LUZP2: variants seen among roughly 807,000 people sequenced by gnomAD.
LUZP2 encodes leucine zipper protein 2.
LUZP2 carries 52 observed loss-of-function variants against 51.6 expected under a neutral mutation model. The ratio of observed to expected loss-of-function variants is 1.01; its 90% CI spans 0.81 to 1.27. The LOEUF (loss-of-function observed/expected upper bound fraction) is 1.27. Ranked by LOEUF, LUZP2 falls within the 50% of genes most tolerant of loss-of-function variation. The pLI is 0.00. For synonymous variants in LUZP2, 154 were observed against 137.3 expected (o/e 1.12, Z -0.85); for missense variants, 436 against 395.4 (o/e 1.10, Z -0.87).
intron 1 of LUZP2, among the ~76,000 whole-genome samples, chr11:24,522,791 A>G (rs374880465): frequency 5.6e-4 from 86 of 152,254 alleles, no homozygotes; most frequent in African/African-American, 1.9e-3. Flanking sequence ...ACTCAGAATG[A>G]CTATGAATAA....
intron 5 of LUZP2, among the ~76,000 whole-genome samples, chr11:24,880,180 C>T (rs1270219768): frequency 6.6e-6 from 1 of 152,130 alleles, no homozygotes; most frequent in Non-Finnish European, 1.5e-5. Context: ...TTTAATACTC[C>T]CCCCATGGGT....
chr11:24,526,764 C>T (rs1249173440), intron 1 of LUZP2, among the ~76,000 whole-genome samples: 1 of 151,044 alleles, frequency 6.6e-6, no homozygotes, highest in East Asian at 2.0e-4. Flanking sequence ...CTAGACCTTT[C>T]TTTGATCTTT....
chr11:24,565,612 G>A (rs115213330), intron 1 of LUZP2, among the ~76,000 whole-genome samples: 2,172 of 152,254 alleles, frequency 0.014, 42 homozygotes, highest in South Asian at 0.06. Flanking sequence ...TTAAAGCTGT[G>A]ATTCCAAAGG....
intron 5 of LUZP2, among the ~76,000 whole-genome samples, chr11:24,818,030 A>G (rs187936727): frequency 1.3e-4 from 20 of 152,230 alleles, no homozygotes; most frequent in African/African-American, 4.8e-4. Context: ...AATCAAATAA[A>G]CTATTTAGAT....
At chr11:25,057,953 T>C (rs1256486144) in intron 10 of LUZP2, among the ~76,000 whole-genome samples, 4 of 152,138 alleles carry the variant, frequency 2.6e-5, no homozygotes, top group Non-Finnish European at 5.9e-5. Flanking sequence ...AGTTTGCTAT[T>C]ATATCCAACA....
intron 1 of LUZP2, among the ~76,000 whole-genome samples, chr11:24,540,475 G>A (rs1851323599): frequency 6.6e-6 from 1 of 152,072 alleles, no homozygotes; most frequent in Admixed American, 6.6e-5. Flanking sequence ...GATGCAGCAA[G>A]AACCAAGACT....
intron 5 of LUZP2, among the ~76,000 whole-genome samples, chr11:24,812,179 A>T (rs1207752509): frequency 6.7e-6 from 1 of 149,284 alleles, no homozygotes; most frequent in African/African-American, 2.5e-5. Flanking sequence ...TGTTATGAGG[A>T]TGCATTGCAG....
At chr11:24,942,045 CA>C (rs1399772322) in intron 7 of LUZP2, among the ~76,000 whole-genome samples, 9 of 152,078 alleles carry the variant, frequency 5.9e-5, no homozygotes, top group African/African-American at 2.2e-4. Context: ...ATATGTCAGT[CA>C]TTTTTCCCTT....
intron 1 of LUZP2, among the ~76,000 whole-genome samples, chr11:24,563,567 A>G (rs1244017215): frequency 6.6e-6 from 1 of 152,158 alleles, no homozygotes; most frequent in African/African-American, 2.4e-5. Flanking sequence ...TAGTTTAGTT[A>G]CATCATGCTT....
chr11:24,725,174 A>AC (rs1443972272), intron 1 of LUZP2, among the ~76,000 whole-genome samples: 1 of 152,174 alleles, frequency 6.6e-6, no homozygotes, highest in East Asian at 1.9e-4. Context: ...CAAAAACAAT[A>AC]GGGGGGATGA....
chr11:24,780,693 A>G (rs761601183), intron 5 of LUZP2, among the ~76,000 whole-genome samples: 1 of 152,124 alleles, frequency 6.6e-6, no homozygotes, highest in Non-Finnish European at 1.5e-5. Context: ...TTTTACATGC[A>G]TTATGTCACT....
chr11:25,035,750 A>G (rs1032427759), intron 9 of LUZP2, among the ~76,000 whole-genome samples: 1 of 152,054 alleles, frequency 6.6e-6, no homozygotes, highest in Non-Finnish European at 1.5e-5. Context: ...GAAGGAAAAA[A>G]TGTACTGGTG....
rs761449094 is a variant in LUZP2, at chr11:24,949,681, G to T, written c.523-26910G>T. Among the ~76,000 whole-genome samples, 3 of 151,510 alleles carry T rather than the reference G, an allele frequency of 2.0e-5. No individual in the cohort carries two copies. The Admixed American group carries it at 2.0e-4, about 10-fold the overall frequency. On this transcript the variant is annotated intron_variant, in intron 7 of 11. Transcript: ENST00000336930. ...GGATTTGAATGAAATTTTATACATG[G>T]ATATTTCGAAACACTGAAGCCAGGC...
intron 1 of LUZP2, among the ~76,000 whole-genome samples, chr11:24,593,767 G>A (rs2133847291): frequency 6.6e-6 from 1 of 152,262 alleles, no homozygotes; most frequent in South Asian, 2.1e-4. Context: ...GATATGACAT[G>A]ACATCTCTTC....
chr11:25,013,920 C>T (rs1388281754), intron 9 of LUZP2, among the ~76,000 whole-genome samples: 2 of 151,972 alleles, frequency 1.3e-5, no homozygotes, highest in Non-Finnish European at 2.9e-5. Context: ...CCATGACAGG[C>T]CCCAGTGTGT....
chr11:24,750,552 CTT>C (rs1447486739), intron 4 of LUZP2, among the ~76,000 whole-genome samples: 1 of 152,102 alleles, frequency 6.6e-6, no homozygotes, highest in African/African-American at 2.4e-5. Flanking sequence ...CAGTTGGTAA[CTT>C]ATAATAATGT....
At chr11:24,610,954 G>A (rs1055047624) in intron 1 of LUZP2, among the ~76,000 whole-genome samples, 1 of 151,984 alleles carries the variant, frequency 6.6e-6, no homozygotes, top group African/African-American at 2.4e-5. Context: ...GATATTTTAG[G>A]GATTTAAGAC....
At chr11:24,825,736 C>T (rs1349791066) in intron 5 of LUZP2, among the ~76,000 whole-genome samples, 2 of 151,960 alleles carry the variant, frequency 1.3e-5, no homozygotes, top group African/African-American at 4.8e-5. Context: ...ACAGAAATCC[C>T]ACAAGCTTCC....
intron 1 of LUZP2, among the ~76,000 whole-genome samples, chr11:24,585,486 T>C (rs1053555552): frequency 1.3e-5 from 2 of 152,186 alleles, no homozygotes; most frequent in Non-Finnish European, 2.9e-5. Context: ...GAAAATATTT[T>C]TCCAGCTTAG....
Sources: gnomAD v4.1 joint callset for allele counts (sites outside exome capture counted in the v4.1 genomes callset) on GRCh38, gnomAD v4.1.1 for gene constraint, MANE v1.5 for transcripts, NCBI Gene and HGNC (gene_info 2026-07-23, HGNC 2026-07-21) for gene names.